WASF1: variants seen among roughly 807,000 people sequenced by gnomAD.
The protein encoded by WASF1 is actin-binding protein WASF1.
WASF1 carries 7 observed loss-of-function variants against 50.5 expected under a neutral mutation model. The ratio of observed to expected loss-of-function variants is 0.14; its 90% CI spans 0.08 to 0.26. The LOEUF (loss-of-function observed/expected upper bound fraction) is 0.26. WASF1 is among the 10% of genes least tolerant of loss of function. The pLI, the probability that WASF1 is intolerant of heterozygous loss-of-function variation, is 1.00. For synonymous variants in WASF1, 205 were observed against 244.0 expected, an observed-to-expected ratio of 0.84 and a Z score of 1.49; for missense variants, 470 against 694.7, an observed-to-expected ratio of 0.68 and a Z score of 3.64.
In WASF1 at chr6:110,124,782, C is replaced by T. The variant is rs141692579; in HGVS notation, c.133+2687G>A. Among the ~76,000 whole-genome samples, 294 of 152,216 alleles carry T rather than the reference C, an allele frequency of 1.9e-3. 2 individuals are homozygous for T. Among genetic ancestry groups the T allele is most frequent in the African/African-American group, 6.5e-3 (269 of 41,534 alleles). The stretch of plus-strand genomic sequence containing the variant: ...AAAATTAGCCAGGCATGATGGCACT[C>T]GCCTGTAATCCCAGCGGCTTTGGTG... On this transcript the variant is annotated intron_variant, in intron 4 of 10. Coordinates refer to ENST00000392589, the MANE Select transcript of WASF1 (RefSeq NM_003931.3).
chr6:110,116,438 G>A (rs553620482), intron 4 of WASF1, among the ~76,000 whole-genome samples: 3 of 152,144 alleles, frequency 2.0e-5, no homozygotes, highest in East Asian at 1.9e-4. Flanking sequence ...CTGCTAGTGC[G>A]GCAGTCTGAG....
chr6:110,165,444 T>A (rs1276986086), intron 2 of WASF1, among the ~76,000 whole-genome samples: 1 of 151,670 alleles, frequency 6.6e-6, no homozygotes, highest in Non-Finnish European at 1.5e-5. Flanking sequence ...AAATTTTAAC[T>A]CGTGTGTATC....
chr6:110,141,013 A>C (rs535780550), intron 3 of WASF1, among the ~76,000 whole-genome samples: 95 of 152,356 alleles, frequency 6.2e-4, no homozygotes, highest in African/African-American at 2.3e-3. Context: ...ACTCAGAATC[A>C]CATGCAATTT....
intron 3 of WASF1, among the ~76,000 whole-genome samples, chr6:110,144,925 T>C (rs1165634717): frequency 6.6e-6 from 1 of 152,142 alleles, no homozygotes; most frequent in African/African-American, 2.4e-5. Flanking sequence ...TGGCTTAGGA[T>C]TGACTTGGCG....
At position 110,142,952 on chromosome 6, in the gene WASF1, TA is replaced by T. The variant is rs5879060; in HGVS notation, c.-28-15324del. 1.8e-4 allele frequency among the ~76,000 whole-genome samples: 21 copies of T among 119,146 alleles called. No homozygotes were observed. In the South Asian group the frequency reaches 2.9e-3, roughly 16 times the overall value. The allele number at this position is 119,146 out of a possible 152,430, so 78.2% of individuals were successfully genotyped here. On this transcript the variant is annotated intron_variant, in intron 3 of 10. Coordinates refer to ENST00000392589, the MANE Select transcript of WASF1 (RefSeq NM_003931.3). ...AAAGTAATTTGGTTTCCCAATGATG[TA>T]AAAAAAAAAAAAAAAAAAAACTAAA... is the stretch of plus-strand genomic sequence containing the variant.
intron 3 of WASF1, among the ~76,000 whole-genome samples, chr6:110,159,880 G>A (rs1175569959): frequency 6.6e-6 from 1 of 151,810 alleles, no homozygotes; most frequent in African/African-American, 2.4e-5. Context: ...TGCTCAAAAT[G>A]TTTCGGATTT....
intron 3 of WASF1, among the ~76,000 whole-genome samples, chr6:110,133,984 T>C (rs768895520): frequency 2.6e-5 from 4 of 152,198 alleles, no homozygotes; most frequent in Non-Finnish European, 5.9e-5. Context: ...TAGAATTTTG[T>C]CTTGTTTTTA....
At chr6:110,105,643 A>C (rs1442904587) in intron 7 of WASF1, 64 bp from the exon 8 acceptor site, 1 of 1,498,372 alleles carries the variant, frequency 6.7e-7, no homozygotes, top group Non-Finnish European at 9.1e-7. Flanking sequence ...AGGAGGTTAT[A>C]ACAATCAAAT....
At chr6:110,118,023 T>C (rs2114488867) in intron 4 of WASF1, among the ~76,000 whole-genome samples, 1 of 151,870 alleles carries the variant, frequency 6.6e-6, no homozygotes, top group South Asian at 2.1e-4. Flanking sequence ...GCACTAAACA[T>C]GGAAAGCAAC....
chr6:110,168,177 G>T (rs1776554738), intron 2 of WASF1, among the ~76,000 whole-genome samples: 1 of 151,958 alleles, frequency 6.6e-6, no homozygotes, highest in Admixed American at 6.6e-5. Context: ...AATAACGAGT[G>T]AATTTAATTA....
At chr6:110,151,130 C>T (rs1473765280) in intron 3 of WASF1, among the ~76,000 whole-genome samples, 1 of 152,120 alleles carries the variant, frequency 6.6e-6, no homozygotes, top group African/African-American at 2.4e-5. Flanking sequence ...AGAGAGTAAA[C>T]CACTGGGTCA....
rs754131818 is a variant in WASF1, at chr6:110,100,197, T to G, written c.*325A>C. 6 of 172,928 alleles carry G rather than the reference T, an allele frequency of 3.5e-5. No individual in the cohort carries two copies. The highest frequency in any genetic ancestry group is 1.4e-4 in the African/African-American group (6 of 42,146). 10.7% of individuals were successfully genotyped at this position (172,928 alleles called of 1,614,324 possible). A position where few individuals can be genotyped will look rare whatever the true frequency, so the allele number is the denominator to read the frequency against. ...AGATTTCAATTTCAGTTGCTTTCTT[T>G]AAATTAAAATTCACAAAGTACACAA... is the stretch of plus-strand genomic sequence containing the variant. On this transcript the variant is annotated 3_prime_UTR_variant, in exon 11 of 11. Coordinates refer to ENST00000392589, the MANE Select transcript of WASF1 (RefSeq NM_003931.3).
chr6:110,163,213 A>G (rs1183363646), intron 2 of WASF1, among the ~76,000 whole-genome samples: 5 of 151,722 alleles, frequency 3.3e-5, no homozygotes, highest in African/African-American at 7.2e-5. Context: ...AACTCTGACG[A>G]AAGAAATCAA....
chr6:110,159,981 T>C (rs915649906), intron 3 of WASF1, among the ~76,000 whole-genome samples: 4 of 151,878 alleles, frequency 2.6e-5, no homozygotes, highest in African/African-American at 9.7e-5. Flanking sequence ...AACAATGGCT[T>C]CAGCAATTTT....
intron 6 of WASF1, 43 bp downstream of exon 6, chr6:110,108,485 G>T: frequency 6.5e-7 from 1 of 1,537,158 alleles, no homozygotes; most frequent in Non-Finnish European, 8.8e-7. Flanking sequence ...TCAATCTGAA[G>T]TCTGAGATAA....
At chr6:110,130,576 T>G (rs563171978) in intron 3 of WASF1, among the ~76,000 whole-genome samples, 1 of 152,226 alleles carries the variant, frequency 6.6e-6, no homozygotes, top group African/African-American at 2.4e-5. Flanking sequence ...TGCTGTATAA[T>G]AGTCCACTAT....
intron 6 of WASF1, 151 bp from the exon 7 acceptor site, chr6:110,107,345 A>G: frequency 1.9e-6 from 1 of 532,898 alleles, no homozygotes; most frequent in East Asian, 3.4e-5. Flanking sequence ...GCACCAATAG[A>G]AAATTTCTCA....
chr6:110,149,484 T>TAAA (rs71729607), intron 3 of WASF1, among the ~76,000 whole-genome samples: 11 of 103,272 alleles, frequency 1.1e-4, no homozygotes, highest in African/African-American at 2.9e-4. Flanking sequence ...GACTCTGTCT[T>TAAA]AAAAAAAAAA....
chr6:110,115,228 C>G (rs1169107185), intron 4 of WASF1, among the ~76,000 whole-genome samples: 2 of 149,308 alleles, frequency 1.3e-5, no homozygotes, highest in Admixed American at 6.7e-5. Context: ...AAAACTGCTA[C>G]AGAGGACATT....
Sources: gnomAD v4.1 joint callset for allele counts (sites outside exome capture counted in the v4.1 genomes callset) on GRCh38, gnomAD v4.1.1 for gene constraint, MANE v1.5 for transcripts, NCBI Gene and HGNC (gene_info 2026-07-23, HGNC 2026-07-21) for gene names.